Variants in RIMOC1 observed in about 807,000 individuals in gnomAD.
RIMOC1 encodes RAB7A-interacting MON1-CCZ1 complex subunit 1.
At chr5:41,910,873 AG>A in the RIMOC1 span, among the ~76,000 whole-genome samples, 1 of 152,304 alleles carries the variant, frequency 6.6e-6, no homozygotes, top group South Asian at 2.1e-4. Context: ...ATGTATTAAT[AG>A]AATTGCATAT....
the RIMOC1 span, among the ~76,000 whole-genome samples, chr5:41,907,213 G>A: frequency 6.6e-6 from 1 of 152,126 alleles, no homozygotes; most frequent in African/African-American, 2.4e-5. Flanking sequence ...ATACACAGAT[G>A]TATTATGTAA....
the RIMOC1 span, among the ~76,000 whole-genome samples, chr5:41,914,082 C>A: frequency 6.6e-6 from 1 of 152,080 alleles, no homozygotes; most frequent in Non-Finnish European, 1.5e-5. Context: ...GGGAGTGGCA[C>A]AAATCACCTG....
chr5:41,912,823 A>G, the RIMOC1 span, among the ~76,000 whole-genome samples: 7 of 152,336 alleles, frequency 4.6e-5, no homozygotes, highest in East Asian at 1.3e-3. Context: ...AGCCTCTGTC[A>G]GCATATTATC....
chr5:41,906,416 C>T, the RIMOC1 span, among the ~76,000 whole-genome samples: 3 of 152,100 alleles, frequency 2.0e-5, no homozygotes, highest in South Asian at 6.2e-4. Flanking sequence ...GTAATTATGT[C>T]ATCAATTTAT....
the RIMOC1 span, among the ~76,000 whole-genome samples, chr5:41,906,608 G>C: frequency 6.6e-6 from 1 of 152,116 alleles, no homozygotes; most frequent in Non-Finnish European, 1.5e-5. Context: ...GTCACTTCTG[G>C]GCTAATGAGA....
chr5:41,906,749 C>T, the RIMOC1 span, among the ~76,000 whole-genome samples: 1 of 152,174 alleles, frequency 6.6e-6, no homozygotes, highest in Admixed American at 6.5e-5. Flanking sequence ...ACAGACATAA[C>T]CTGATGGTGC....
the RIMOC1 span, among the ~76,000 whole-genome samples, chr5:41,905,423 A>G: frequency 2.0e-5 from 3 of 152,290 alleles, no homozygotes; most frequent in Admixed American, 1.3e-4. Context: ...GGCGCACACC[A>G]TCTCGCCCGG....
chr5:41,909,705 T>A, the RIMOC1 span: 1 of 1,421,052 alleles, frequency 7.0e-7, no homozygotes, highest in East Asian at 2.4e-5. Context: ...TTTTTCAATT[T>A]TAAGTCATTG....
chr5:41,910,382 C>T, the RIMOC1 span, among the ~76,000 whole-genome samples: 2,206 of 151,742 alleles, frequency 0.015, 126 homozygotes, highest in East Asian at 0.16. Flanking sequence ...AGGTACTAGC[C>T]AGGGATGTCT....
the RIMOC1 span, chr5:41,911,029 C>CT: frequency 3.1e-6 from 5 of 1,599,174 alleles, no homozygotes; most frequent in Admixed American, 3.5e-5. Context: ...TTAGCTATGT[C>CT]TTTTTTTGTG....
the RIMOC1 span, among the ~76,000 whole-genome samples, chr5:41,914,506 TAA>T: frequency 7.1e-6 from 1 of 140,932 alleles, no homozygotes. Flanking sequence ...AAAACAAACA[TAA>T]GTTTGCCTCC....
the RIMOC1 span, chr5:41,918,709 C>T: frequency 1.0e-6 from 1 of 985,514 alleles, no homozygotes; most frequent in Non-Finnish European, 1.2e-6. Flanking sequence ...CCATTTCCCG[C>T]TGTGGCTGAG....
chr5:41,910,935 GA>G, the RIMOC1 span: 16 of 1,224,988 alleles, frequency 1.3e-5, no homozygotes, highest in South Asian at 5.9e-5. Context: ...TAAACAAAGG[GA>G]ACATTTTGTG....
the RIMOC1 span, among the ~76,000 whole-genome samples, chr5:41,911,819 A>G: frequency 1.3e-3 from 192 of 152,116 alleles, no homozygotes; most frequent in African/African-American, 4.3e-3. Flanking sequence ...TATTACTGAA[A>G]TGTGTTTCTG....
the RIMOC1 span, among the ~76,000 whole-genome samples, chr5:41,911,616 T>TA: frequency 1.3e-5 from 2 of 152,282 alleles, no homozygotes; most frequent in East Asian, 3.9e-4. Flanking sequence ...ATTGTATCAC[T>TA]AAGGATTCTA....
At chr5:41,921,136 T>C in the RIMOC1 span, 3 of 152,640 alleles carry the variant, frequency 2.0e-5, no homozygotes, top group African/African-American at 7.2e-5. Flanking sequence ...CTTTTGCATA[T>C]AGTAGAGTGA....
chr5:41,907,985 CA>C, the RIMOC1 span: 3 of 605,566 alleles, frequency 5.0e-6, no homozygotes, highest in African/African-American at 5.8e-5. Flanking sequence ...GAATAAAACA[CA>C]AAAACTTAAA....
At chr5:41,917,177 GA>G in the RIMOC1 span, 1 of 1,613,830 alleles carries the variant, frequency 6.2e-7, no homozygotes, top group Non-Finnish European at 8.5e-7. Context: ...GGATTTCCGA[GA>G]AGTAGGAGAA....
chr5:41,912,204 ATT>A, the RIMOC1 span: 1 of 1,373,524 alleles, frequency 7.3e-7, no homozygotes, highest in South Asian at 1.2e-5. Flanking sequence ...CTCTCATTAA[ATT>A]TTCTAAGTGT....
Sources: gnomAD v4.1 joint callset for allele counts (sites outside exome capture counted in the v4.1 genomes callset) on GRCh38, gnomAD v4.1.1 for gene constraint, MANE v1.5 for transcripts, NCBI Gene and HGNC (gene_info 2026-07-23, HGNC 2026-07-21) for gene names.